The following TMEM135 variants were observed in gnomAD, a reference collection of about 807,000 sequenced individuals.
The protein encoded by TMEM135 is transmembrane protein 135.
A neutral mutation model predicts 60.3 loss-of-function variants in TMEM135; 30 were observed. The ratio of observed to expected loss-of-function variants is 0.50; its 90% CI spans 0.37 to 0.68. TMEM135 has a LOEUF of 0.68. Ranked by LOEUF, TMEM135 falls within the 30% of genes least tolerant of loss-of-function variation. The pLI is 0.00. For synonymous variants in TMEM135, 190 were observed against 186.7 expected (o/e 1.02, Z -0.14); for missense variants, 468 against 548.8 (o/e 0.85, Z 1.47).
intron 12 of TMEM135, among the ~76,000 whole-genome samples, chr11:87,315,929 T>A (rs1406809191): frequency 6.6e-6 from 1 of 152,020 alleles, no homozygotes; most frequent in Non-Finnish European, 1.5e-5. Context: ...TGTTGTAACA[T>A]AACACCATTA....
rs1942797855 is a variant in TMEM135, at chr11:87,320,188, G to GT, written c.1244+812dup. Among the ~76,000 whole-genome samples the GT allele has an allele frequency of 2.0e-5, 3 of 152,128 alleles. No homozygotes were observed. The South Asian group carries it at 6.2e-4, about 32-fold the overall frequency. On this transcript the variant is annotated intron_variant, in intron 14 of 14. Transcript: ENST00000305494. Reference sequence around the variant, plus strand: ...TGCATTTAATCCTTAAATCCTAACTGTAAGAGTTAGGTTCTGTTATTATCC... The same window carrying GT: ...TGCATTTAATCCTTAAATCCTAACTGTTAAGAGTTAGGTTCTGTTATTATCC...
At position 87,157,319 on chromosome 11, in the gene TMEM135, GTT is replaced by G. The variant is rs59532014; in HGVS notation, c.397-11_397-10del. 1,420 of 1,324,446 alleles carry G rather than the reference GTT, an allele frequency of 1.1e-3. 1 individual carries two copies. Among genetic ancestry groups the G allele is most frequent in the East Asian group, 3.5e-3 (132 of 37,352 alleles). The allele number at this position is 1,324,446 out of a possible 1,614,324, so 82.0% of individuals were successfully genotyped here. ...AGATTGTAGATCATATATTTTTGCT[GTT>G]TTTTTTTTTTAATTTACAGGCCACA... is the stretch of plus-strand genomic sequence containing the variant. On this transcript the variant is annotated intron_variant, in intron 4 of 14. Coordinates refer to ENST00000305494, the MANE Select transcript of TMEM135 (RefSeq NM_022918.4).
rs1942849391 is a variant in TMEM135, at chr11:87,322,947, A to C, written c.*1614A>C. ...AAAGTTGATTAATAAATTTAATCTT[A>C]ACTTTTTATTCACTGGAATCAAAAC... is the stretch of plus-strand genomic sequence containing the variant. On this transcript the variant is annotated 3_prime_UTR_variant, in exon 15 of 15. Transcript: ENST00000305494. 1 of 454,258 alleles carries C rather than the reference A, an allele frequency of 2.2e-6. No homozygotes were observed. Among genetic ancestry groups the C allele is most frequent in the Non-Finnish European group, 4.4e-6 (1 of 226,694 alleles). The allele number at this position is 454,258 out of a possible 1,614,324, so 28.1% of individuals were successfully genotyped here.
Position 87,326,651 on chromosome 11 carries a change from A to G in TMEM135, c.*5318A>G, listed in dbSNP as rs1942916603. On this transcript the variant is annotated 3_prime_UTR_variant, in exon 15 of 15. Coordinates refer to ENST00000305494, the MANE Select transcript of TMEM135 (RefSeq NM_022918.4). The stretch of plus-strand genomic sequence containing the variant: ...CTTTCCTGGCCCATGCTTTCCTGCC[A>G]TATCTTTGCTATGTATTTCTTCATC... 4.4e-6 allele frequency: 2 copies of G among 453,934 alleles called. No homozygotes were observed. Among genetic ancestry groups the G allele is most frequent in the Non-Finnish European group, 8.8e-6 (2 of 226,792 alleles). The allele number at this position is 453,934 out of a possible 1,614,324, so 28.1% of individuals were successfully genotyped here.
rs1172113969 is a variant in TMEM135 at position 87,305,943 on chromosome 11, C to T, written c.706C>T (p.His236Tyr). The T allele has an allele frequency of 3.7e-6, 6 of 1,602,376 alleles. No homozygotes were observed. The highest frequency in any genetic ancestry group is 3.4e-6 in the Non-Finnish European group (4 of 1,173,698). Reference protein sequence around the residue: ...VRKFVDSICKHGPRHRCCKHY... With the variant: ...VRKFVDSICKYGPRHRCCKHY... ...TTTTGGGTTCAATTTCAGATGCAAA[C>T]ATGGACCAAGGCATAGATGTTGCAA... Residue 236 changes from histidine (H) to tyrosine (Y), a missense_variant, in exon 9 of 15, where the codon CAT (histidine) becomes TAT (tyrosine). By Grantham distance (83) the His-to-Tyr change is moderately conservative. Coordinates refer to ENST00000305494, the MANE Select transcript of TMEM135 (RefSeq NM_022918.4).
At chr11:87,292,268 A>C (rs1360574706) in intron 6 of TMEM135, among the ~76,000 whole-genome samples, 1 of 152,056 alleles carries the variant, frequency 6.6e-6, no homozygotes, top group Admixed American at 6.5e-5. Flanking sequence ...TTTTTACCAT[A>C]CCTGTTATCA....
intron 6 of TMEM135, among the ~76,000 whole-genome samples, chr11:87,249,959 A>G (rs575357410): frequency 1.3e-5 from 2 of 152,138 alleles, no homozygotes; most frequent in Admixed American, 1.3e-4. Context: ...GAGGCTTTTT[A>G]TTACAGCTTC....
At position 87,295,823 on chromosome 11, in the gene TMEM135, G is replaced by C. The variant is rs754999215; in HGVS notation, c.551G>C (p.Arg184Thr). The C allele has an allele frequency of 3.8e-5, 61 of 1,605,082 alleles. No individual in the cohort carries two copies. Among genetic ancestry groups the C allele is most frequent in the Non-Finnish European group, 1.0e-5 (12 of 1,174,214 alleles). ...GLKGFTFSAL[R>T]FIVGKEEIPT... ...AAAGGATTTACATTTTCTGCACTTA[G>C]GTAAGAAACATTTATTTTTATGTTG... Residue 184 changes from arginine to threonine, a missense_variant and splice_region_variant, in exon 7 of 15, where the codon AGG becomes ACG. Arg to Thr is a moderately conservative substitution (Grantham distance 71). Coordinates refer to ENST00000305494, the MANE Select transcript of TMEM135 (RefSeq NM_022918.4).
chr11:87,141,525 T>G (rs1938261510), intron 4 of TMEM135, among the ~76,000 whole-genome samples: 1 of 152,184 alleles, frequency 6.6e-6, no homozygotes, highest in Non-Finnish European at 1.5e-5. Context: ...TGTGTGCATT[T>G]GTAAAGTTTT....
intron 6 of TMEM135, among the ~76,000 whole-genome samples, chr11:87,265,230 A>G (rs753134799): frequency 2.0e-5 from 3 of 151,954 alleles, no homozygotes; most frequent in Admixed American, 1.3e-4. Flanking sequence ...TTAGTCCTAC[A>G]CATCTGGTTG....
chr11:87,064,102 T>A (rs954629246), intron 1 of TMEM135, among the ~76,000 whole-genome samples: 1 of 152,166 alleles, frequency 6.6e-6, no homozygotes, highest in African/African-American at 2.4e-5. Flanking sequence ...GAACTAATCC[T>A]AAAGCTGTGT....
intron 4 of TMEM135, among the ~76,000 whole-genome samples, chr11:87,092,706 A>G (rs1432161232): frequency 6.6e-6 from 1 of 152,116 alleles, no homozygotes; most frequent in Admixed American, 6.5e-5. Context: ...TTTGATAAAT[A>G]TTTGTTGAAT....
At chr11:87,050,634 A>C (rs1949833578) in intron 1 of TMEM135, among the ~76,000 whole-genome samples, 1 of 32,248 alleles carries the variant, frequency 3.1e-5, no homozygotes, top group African/African-American at 2.9e-4. Flanking sequence ...GAATCTCTGA[A>C]TAGACCAATA....
chr11:87,125,033 C>T (rs1286098152), intron 4 of TMEM135, among the ~76,000 whole-genome samples: 2 of 152,154 alleles, frequency 1.3e-5, no homozygotes, highest in Admixed American at 6.5e-5. Context: ...GGCCAGGGCA[C>T]GAATGAGGCT....
At chr11:87,076,010 G>A (rs934029036) in intron 3 of TMEM135, among the ~76,000 whole-genome samples, 1 of 152,132 alleles carries the variant, frequency 6.6e-6, no homozygotes, top group African/African-American at 2.4e-5. Flanking sequence ...ACAGCAGTGG[G>A]TCTTGCCCAA....
intron 4 of TMEM135, among the ~76,000 whole-genome samples, chr11:87,143,749 G>T (rs551124432): frequency 6.6e-6 from 1 of 152,236 alleles, no homozygotes; most frequent in Admixed American, 6.5e-5. Context: ...CAGTCTTTCT[G>T]TGGATCTTTC....
intron 4 of TMEM135, among the ~76,000 whole-genome samples, chr11:87,097,543 A>G (rs537738284): frequency 1.3e-5 from 2 of 152,176 alleles, no homozygotes; most frequent in Non-Finnish European, 2.9e-5. Context: ...TGCCAATGTT[A>G]CCAAAGTGAC....
At chr11:87,140,652 T>A (rs1407877978) in intron 4 of TMEM135, among the ~76,000 whole-genome samples, 1 of 152,146 alleles carries the variant, frequency 6.6e-6, no homozygotes, top group Non-Finnish European at 1.5e-5. Flanking sequence ...AGTGATGAAA[T>A]TTTTTCTTTA....
intron 9 of TMEM135, among the ~76,000 whole-genome samples, chr11:87,308,431 A>G (rs1179186085): frequency 6.6e-6 from 1 of 152,186 alleles, no homozygotes; most frequent in Non-Finnish European, 1.5e-5. Context: ...TGATTGGACA[A>G]TTTGATTTTG....
Sources: allele counts gnomAD v4.1 joint callset (sites outside exome capture counted in the v4.1 genomes callset), GRCh38; gene constraint gnomAD v4.1.1; transcripts MANE v1.5; gene names NCBI Gene and HGNC (gene_info 2026-07-23, HGNC 2026-07-21).